NCOA2: variants seen among roughly 807,000 people sequenced by gnomAD.
NCOA2 encodes the protein nuclear receptor coactivator 2, also known as class E basic helix-loop-helix protein 75.
Under a neutral mutation model 145.1 loss-of-function variants are expected in NCOA2, and 21 were observed. That is an observed-to-expected ratio of 0.14 (90% confidence interval 0.10 to 0.21). The LOEUF (loss-of-function observed/expected upper bound fraction) is 0.21. Among genes scored for constraint, NCOA2 ranks in the 10% least tolerant of loss-of-function variants. The pLI is 1.00. For missense variants in NCOA2, 1,472 were observed against 1,837.6 expected (o/e 0.80, Z 3.64); for synonymous variants, 619 against 637.5 (o/e 0.97, Z 0.44).
chr8:70,174,917 C>T, intron 4 of NCOA2, 58 bp from the exon 5 acceptor site: 3 of 1,474,822 alleles, frequency 2.0e-6, no homozygotes, highest in Non-Finnish European at 2.8e-6. Context: ...CAGAGTGACA[C>T]AGAAATGTTT....
intron 5 of NCOA2, among the ~76,000 whole-genome samples, chr8:70,173,585 T>C (rs1380429653): frequency 6.6e-6 from 1 of 152,196 alleles, no homozygotes; most frequent in Non-Finnish European, 1.5e-5. Flanking sequence ...AGTGTGTTTT[T>C]GCTTTTCTCC....
intron 2 of NCOA2, among the ~76,000 whole-genome samples, chr8:70,287,251 A>ATATT (rs996505556): frequency 1.3e-5 from 2 of 151,572 alleles, no homozygotes; most frequent in Non-Finnish European, 2.9e-5. Flanking sequence ...CTCAAAAAAT[A>ATATT]TATTAATTAA....
chr8:70,238,598 A>C (rs2134389929), intron 2 of NCOA2, among the ~76,000 whole-genome samples: 1 of 152,324 alleles, frequency 6.6e-6, no homozygotes, highest in South Asian at 2.1e-4. Context: ...CAACAACACA[A>C]GGAAATGATC....
chr8:70,439,296 T>A, the NCOA2 span, among the ~76,000 whole-genome samples: 3,413 of 152,050 alleles, frequency 0.022, 126 homozygotes, highest in African/African-American at 0.076. Context: ...AGAGACATAA[T>A]GGAGTAGTGG....
intron 2 of NCOA2, among the ~76,000 whole-genome samples, chr8:70,231,001 G>T (rs1355549829): frequency 6.6e-6 from 1 of 151,988 alleles, no homozygotes; most frequent in Non-Finnish European, 1.5e-5. Flanking sequence ...CCATTTTTGT[G>T]ACTATAAGTA....
the NCOA2 span, among the ~76,000 whole-genome samples, chr8:70,413,520 G>T: frequency 6.6e-6 from 1 of 152,160 alleles, no homozygotes. Context: ...TTACAGTTGG[G>T]ATAGAATAAT....
intron 22 of NCOA2, among the ~76,000 whole-genome samples, chr8:70,117,751 G>A (rs1807314178): frequency 6.6e-6 from 1 of 152,210 alleles, no homozygotes; most frequent in Non-Finnish European, 1.5e-5. Context: ...CCTTGATCGA[G>A]TCATTAAACT....
chr8:70,152,856 CAGTTAACT>C (rs1321872809), intron 11 of NCOA2, among the ~76,000 whole-genome samples: 1 of 152,164 alleles, frequency 6.6e-6, no homozygotes, highest in African/African-American at 2.4e-5. Flanking sequence ...AATAACAAGA[CAGTTAACT>C]GTGCAATTCA....
intron 1 of NCOA2, among the ~76,000 whole-genome samples, chr8:70,385,071 G>C (rs1812535552): frequency 6.6e-6 from 1 of 150,744 alleles, no homozygotes; most frequent in Non-Finnish European, 1.5e-5. Flanking sequence ...CCCTTCAATT[G>C]ATAAAGAAGG....
At chr8:70,411,756 T>C in the NCOA2 span, among the ~76,000 whole-genome samples, 1 of 152,186 alleles carries the variant, frequency 6.6e-6, no homozygotes, top group East Asian at 1.9e-4. Context: ...ATGATGCTAT[T>C]TACATAAAGG....
intron 4 of NCOA2, among the ~76,000 whole-genome samples, chr8:70,175,389 G>A (rs796522793): frequency 6.6e-6 from 1 of 152,222 alleles, no homozygotes; most frequent in East Asian, 1.9e-4. Flanking sequence ...AAGTGGACAG[G>A]AAGATTTGGT....
the NCOA2 span, among the ~76,000 whole-genome samples, chr8:70,412,277 C>G: frequency 6.7e-6 from 1 of 149,582 alleles, no homozygotes; most frequent in Non-Finnish European, 1.5e-5. Flanking sequence ...TTGTCTGTCT[C>G]TAAAAAGAAT....
upstream of NCOA2, among the ~76,000 whole-genome samples, chr8:70,404,132 G>A (rs1166028891): frequency 6.6e-6 from 1 of 152,238 alleles, no homozygotes; most frequent in Admixed American, 6.5e-5. Context: ...CTCTGAGAAG[G>A]CGGCCCGGGG....
chr8:70,230,443 T>C (rs991417766), intron 2 of NCOA2, among the ~76,000 whole-genome samples: 3 of 152,208 alleles, frequency 2.0e-5, no homozygotes, highest in Admixed American at 6.5e-5. Context: ...TCCTGAATTG[T>C]ACACTTTAAA....
At position 70,156,128 on chromosome 8, in the gene NCOA2, C is replaced by A. The variant is rs373132250; in HGVS notation, c.2237G>T (p.Arg746Leu). Reference sequence around the variant, plus strand: ...AGTATCATCTTTATCTAGCAAATAGCGAAGTAGTGCATTCTCTTTCTTCTT... The same window carrying A: ...AGTATCATCTTTATCTAGCAAATAGAGAAGTAGTGCATTCTCTTTCTTCTT... ...SPKKKENALL[R>L]YLLDKDDTKD... is the part of the protein sequence containing the mutation. Residue 746 changes from arginine to leucine, a missense_variant, in exon 11 of 23, where the codon CGC (arginine) becomes CTC (leucine). This residue lies in a region of NCOA2 where 953 missense variants were observed against 1,062.1 expected (regional missense o/e 0.90). Transcript: ENST00000452400. The A allele has an allele frequency of 6.2e-7, 1 of 1,613,872 alleles. No individual in the cohort carries two copies. The highest frequency in any genetic ancestry group is 8.5e-7 in the Non-Finnish European group (1 of 1,179,862).
intron 2 of NCOA2, among the ~76,000 whole-genome samples, chr8:70,244,758 G>A (rs540731259): frequency 2.1e-4 from 32 of 151,164 alleles, no homozygotes; most frequent in African/African-American, 6.0e-4. Context: ...ACAAACAAGC[G>A]TGACACTGTA....
At chr8:70,171,152 T>C (rs184694514) in intron 5 of NCOA2, among the ~76,000 whole-genome samples, 2 of 152,312 alleles carry the variant, frequency 1.3e-5, no homozygotes, top group East Asian at 3.9e-4. Context: ...TCACTTTTTG[T>C]TGTCATCCCA....
chr8:70,131,963 T>C lies in NCOA2; in HGVS notation c.3198A>G (p.Pro1066=), dbSNP rs758881869. 1.9e-5 allele frequency: 31 copies of C among 1,612,362 alleles called. No homozygotes were observed. The highest frequency in any genetic ancestry group is 8.9e-5 in the East Asian group (4 of 44,830). The change falls in exon 16 of 23, where the codon CCA becomes CCG. Residue 1066 remains proline (P), a synonymous_variant. Coordinates refer to ENST00000452400, the MANE Select transcript of NCOA2 (RefSeq NM_006540.4). ...FGSSPDDLLC[P]HPAAESPSDE... is the part of the protein sequence containing the mutation. ...CACTCGGAGACTCAGCTGCAGGATG[T>C]GGACATAGCAAGTCATCTGGAGAAC...
At position 70,251,566 on chromosome 8, in the gene NCOA2, G is replaced by C. The variant is rs559962103; in HGVS notation, c.-19-34802C>G. 1.8e-4 allele frequency among the ~76,000 whole-genome samples: 27 copies of C among 152,276 alleles called. 1 individual carries two copies. The South Asian group carries it at 5.6e-3, about 32-fold the overall frequency. ...CCTTGAAGTCAGTGGAGTATCACTA[G>C]GTTAAAACTGAAATTCTTAAGTCAT... is the stretch of plus-strand genomic sequence containing the variant. On this transcript the variant is annotated intron_variant, in intron 2 of 22. Transcript: ENST00000452400.
Sources: gnomAD v4.1 joint callset for allele counts (sites outside exome capture counted in the v4.1 genomes callset) on GRCh38, gnomAD v4.1.1 for gene constraint, gnomAD v4.1.1 regional missense constraint, MANE v1.5 for transcripts, NCBI Gene and HGNC (gene_info 2026-07-23, HGNC 2026-07-21) for gene names.